TRPM3: variants seen among roughly 807,000 people sequenced by gnomAD.
TRPM3 encodes the protein long transient receptor potential channel 3.
In TRPM3, 77 loss-of-function variants were observed where a neutral mutation model predicts 181.2. That is an observed-to-expected ratio of 0.42 (90% CI 0.35 to 0.51). The LOEUF is 0.51. Among genes scored for constraint, TRPM3 ranks in the 20% least tolerant of loss-of-function variants. The pLI, the probability that TRPM3 is intolerant of heterozygous loss-of-function variation, is 0.01. For synonymous variants in TRPM3, 745 were observed against 796.4 expected (o/e 0.94, Z 1.09); for missense variants, 1,759 against 2,196.7 (o/e 0.80, Z 3.98).
At chr9:70,553,461 T>C (rs2046918795) in intron 22 of TRPM3, 151 bp from the exon 23 acceptor site, 4 of 994,800 alleles carry the variant, frequency 4.0e-6, no homozygotes, top group Non-Finnish European at 5.7e-6. Flanking sequence ...AATTGAAAAA[T>C]GAGAGCTTCA....
At chr9:70,928,828 G>T (rs1461778960) in intron 1 of TRPM3, among the ~76,000 whole-genome samples, 1 of 152,162 alleles carries the variant, frequency 6.6e-6, no homozygotes, top group East Asian at 1.9e-4. Flanking sequence ...CCTTGCTCTT[G>T]GTTGTCTAGA....
chr9:71,319,987 T>C lies in TRPM3; in HGVS notation c.183+126666A>G, dbSNP rs137908226. Among the ~76,000 whole-genome samples the C allele has an allele frequency of 5.4e-3, 829 of 152,242 alleles. 12 individuals carry two copies. Among genetic ancestry groups the C allele is most frequent in the African/African-American group, 0.019 (796 of 41,558 alleles). On this transcript the variant is annotated intron_variant, in intron 1 of 24. Transcript: ENST00000357533. ...GGATTGAGCTACTAAAATTAGACTATATGGGCAAGGAGCAGTTAAAAATAC... is the reference window on the plus strand; with the variant it reads ...GGATTGAGCTACTAAAATTAGACTACATGGGCAAGGAGCAGTTAAAAATAC...
intron 22 of TRPM3, among the ~76,000 whole-genome samples, chr9:70,557,502 T>C (rs941933900): frequency 2.0e-5 from 3 of 152,222 alleles, no homozygotes; most frequent in Non-Finnish European, 2.9e-5. Context: ...AAAAGTGCTA[T>C]GACTCAAGCT....
intron 1 of TRPM3, among the ~76,000 whole-genome samples, chr9:71,389,122 G>A (rs1046417587): frequency 8.6e-5 from 13 of 151,604 alleles, no homozygotes; most frequent in African/African-American, 2.9e-4. Flanking sequence ...AATCTACAAC[G>A]AACTCAAAGC....
chr9:71,380,359 T>C (rs371270229), intron 1 of TRPM3, among the ~76,000 whole-genome samples: 22 of 152,168 alleles, frequency 1.4e-4, no homozygotes, highest in African/African-American at 5.1e-4. Flanking sequence ...TGCGAGGAAG[T>C]ATGCATGCTT....
chr9:71,139,800 TC>T (rs1209086351), intron 1 of TRPM3, among the ~76,000 whole-genome samples: 1 of 152,176 alleles, frequency 6.6e-6, no homozygotes, highest in Non-Finnish European at 1.5e-5. Flanking sequence ...ATTCTCAACC[TC>T]TTTCTTACTT....
intron 1 of TRPM3, among the ~76,000 whole-genome samples, chr9:71,080,791 A>T (rs573615670): frequency 6.6e-6 from 1 of 152,306 alleles, no homozygotes; most frequent in South Asian, 2.1e-4. Flanking sequence ...CTACAGAAGA[A>T]AGAAACTTTT....
rs761517825 is a variant in TRPM3 at position 70,537,267 on chromosome 9, C to T, written c.3846G>A (p.Leu1282=). ...TGGACTCGGCCCGCTCCAGACCTGT[C>T]AGGCGCTCCAGGGCCGTGGCCATGC... The part of the protein sequence containing the change: ...IGRMATALER[L]TGLERAESNK... The change falls in exon 26 of 26, where the codon CTG becomes CTA. Residue 1282 remains leucine, a synonymous_variant. Transcript: ENST00000677713. The T allele has an allele frequency of 2.1e-5, 34 of 1,587,108 alleles. No homozygotes were observed. Among genetic ancestry groups the T allele is most frequent in the Non-Finnish European group, 2.8e-5 (33 of 1,161,890 alleles).
At chr9:71,061,680 A>G (rs1451091786) in intron 1 of TRPM3, among the ~76,000 whole-genome samples, 1 of 152,076 alleles carries the variant, frequency 6.6e-6, no homozygotes, top group Non-Finnish European at 1.5e-5. Flanking sequence ...ACAGCATTTC[A>G]TATGTGCTGC....
At chr9:71,025,083 T>C (rs931078032) in intron 1 of TRPM3, among the ~76,000 whole-genome samples, 3 of 152,212 alleles carry the variant, frequency 2.0e-5, no homozygotes, top group Admixed American at 6.5e-5. Flanking sequence ...TAGTAATGAT[T>C]CTGTAGTTTC....
intron 1 of TRPM3, among the ~76,000 whole-genome samples, chr9:70,975,459 C>T (rs2097293668): frequency 3.9e-5 from 6 of 152,132 alleles, no homozygotes; most frequent in Admixed American, 3.9e-4. Flanking sequence ...TCAAGTCACA[C>T]TATATTTTAT....
At chr9:71,219,071 G>A (rs1485239953) in intron 1 of TRPM3, among the ~76,000 whole-genome samples, 1 of 152,116 alleles carries the variant, frequency 6.6e-6, no homozygotes, top group Non-Finnish European at 1.5e-5. Flanking sequence ...TCAACCGGTG[G>A]TTTCATGGCT....
At chr9:70,871,963 A>G (rs1245050534) in intron 1 of TRPM3, among the ~76,000 whole-genome samples, 6 of 152,064 alleles carry the variant, frequency 3.9e-5, no homozygotes, top group Admixed American at 2.6e-4. Context: ...CAGATTTTCT[A>G]CCATCAGTAA....
rs563064243 is a variant in TRPM3, at chr9:70,870,812, A to G, written c.178-6301T>C. Among the ~76,000 whole-genome samples the G allele has an allele frequency of 6.0e-4, 92 of 152,174 alleles. 1 individual carries two copies. In the South Asian group the frequency reaches 9.7e-3, roughly 16 times the overall value. ...TTAAATAGATACAGAGGTGATAGGT[A>G]GGAAACATTTTTAAGGTGGTAACTA... On this transcript the variant is annotated intron_variant, in intron 1 of 25. Coordinates refer to ENST00000677713, the MANE Select transcript of TRPM3 (RefSeq NM_001366145.2).
At chr9:71,087,644 TA>T (rs1426077629) in intron 1 of TRPM3, among the ~76,000 whole-genome samples, 1 of 152,044 alleles carries the variant, frequency 6.6e-6, no homozygotes, top group Admixed American at 6.6e-5. Context: ...TTTATTAATG[TA>T]AAGTGTACTT....
chr9:70,995,662 A>G (rs930719088), intron 1 of TRPM3, among the ~76,000 whole-genome samples: 4 of 152,156 alleles, frequency 2.6e-5, no homozygotes, highest in Admixed American at 2.0e-4. Context: ...AACAAGAGCC[A>G]TTTGTTTTAA....
At chr9:71,250,628 G>A (rs1350473099) in intron 1 of TRPM3, among the ~76,000 whole-genome samples, 2 of 152,138 alleles carry the variant, frequency 1.3e-5, no homozygotes, top group Non-Finnish European at 2.9e-5. Flanking sequence ...TAGTCTCAAG[G>A]AGCGCTTTGG....
intron 1 of TRPM3, among the ~76,000 whole-genome samples, chr9:70,895,400 A>T (rs2096267644): frequency 6.6e-6 from 1 of 152,254 alleles, no homozygotes; most frequent in South Asian, 2.1e-4. Flanking sequence ...AATTGTGCAC[A>T]CATCTGAAAT....
intron 1 of TRPM3, among the ~76,000 whole-genome samples, chr9:71,427,199 G>A (rs1025509766): frequency 3.9e-5 from 6 of 152,118 alleles, no homozygotes; most frequent in African/African-American, 1.4e-4. Context: ...TAGACTCAAA[G>A]TGGTGATACA....
Sources: allele counts gnomAD v4.1 joint callset (sites outside exome capture counted in the v4.1 genomes callset), GRCh38; gene constraint gnomAD v4.1.1; transcripts MANE v1.5; gene names NCBI Gene and HGNC (gene_info 2026-07-23, HGNC 2026-07-21).